Variants in MOXD1 observed in about 807,000 individuals in gnomAD.
MOXD1 encodes monooxygenase DBH like 1, also known as DBH-like monooxygenase protein 1.
Under a neutral mutation model 66.6 loss-of-function variants are expected in MOXD1, and 62 were observed. The ratio of observed to expected loss-of-function variants is 0.93; its 90% CI spans 0.76 to 1.15. The LOEUF (loss-of-function observed/expected upper bound fraction) is 1.15, where lower values mean the gene tolerates loss of function less well. Among genes scored for constraint, MOXD1 ranks in the 50% most tolerant of loss-of-function variants. The pLI, the probability that MOXD1 is intolerant of heterozygous loss-of-function variation, is 0.00. For missense variants in MOXD1, 847 were observed against 754.6 expected (o/e 1.12, Z -1.44); for synonymous variants, 303 against 281.9 (o/e 1.07, Z -0.75).
intron 4 of MOXD1, among the ~76,000 whole-genome samples, chr6:132,359,708 C>T (rs370638919): frequency 2.0e-5 from 3 of 151,620 alleles, no homozygotes; most frequent in Non-Finnish European, 4.4e-5. Context: ...GGATGGTCTC[C>T]ATCTCCTGAC....
chr6:132,321,943 T>A (rs143487491), intron 8 of MOXD1, among the ~76,000 whole-genome samples: 52 of 152,354 alleles, frequency 3.4e-4, no homozygotes, highest in African/African-American at 1.2e-3. Flanking sequence ...TATTGTGCCA[T>A]GTCTTCTCCC....
In MOXD1 at chr6:132,401,187, C is replaced by A; in HGVS notation, c.240G>T (p.Val80=). ...CCTGGAGGTAGGGCCGCCCGTGGGC[C>A]ACCCCGCCCACGACGATGTCGGCGG... ...MASADIVVGG[V]AHGRPYLQDY... The change falls in exon 1 of 12, where the codon GTG becomes GTT. Residue 80 remains valine, a synonymous_variant. Coordinates refer to ENST00000367963, the MANE Select transcript of MOXD1 (RefSeq NM_015529.4). The A allele has an allele frequency of 2.6e-6, 4 of 1,540,232 alleles. No homozygotes were observed. The South Asian group carries it at 4.8e-5, about 18-fold the overall frequency.
chr6:132,319,843 C>T (rs1001369458), intron 9 of MOXD1, among the ~76,000 whole-genome samples: 1 of 152,018 alleles, frequency 6.6e-6, no homozygotes, highest in African/African-American at 2.4e-5. Flanking sequence ...AAATGTCTCC[C>T]CTGTCAACAA....
At position 132,328,548 on chromosome 6, in the gene MOXD1, A is replaced by T; in HGVS notation, c.710T>A (p.Ile237Asn). 1 of 1,614,140 alleles carries T rather than the reference A, an allele frequency of 6.2e-7. No homozygotes were observed. The highest frequency in any genetic ancestry group is 8.5e-7 in the Non-Finnish European group (1 of 1,180,008). Reference sequence around the variant, plus strand: ...GTTGTTGCTGCACTGATAGAGCAGGATGTGGTGCACCAGACTCTCATGGCC... The same window carrying T: ...GTTGTTGCTGCACTGATAGAGCAGGTTGTGGTGCACCAGACTCTCATGGCC... The part of the protein sequence containing the change: ...QRGHESLVHH[I>N]LLYQCSNNFN... Residue 237 changes from isoleucine to asparagine, a missense_variant, in exon 5 of 12, where the codon ATC becomes AAC. Ile to Asn is a moderately radical substitution (Grantham distance 149). Coordinates refer to ENST00000367963, the MANE Select transcript of MOXD1 (RefSeq NM_015529.4).
intron 1 of MOXD1, among the ~76,000 whole-genome samples, chr6:132,378,265 C>T (rs1196329014): frequency 1.3e-5 from 2 of 152,010 alleles, no homozygotes; most frequent in Non-Finnish European, 2.9e-5. Flanking sequence ...TCAGCTGGGC[C>T]CTCACTAATG....
chr6:132,346,847 T>C (rs1337470219), intron 4 of MOXD1, among the ~76,000 whole-genome samples: 1 of 152,176 alleles, frequency 6.6e-6, no homozygotes, highest in East Asian at 1.9e-4. Context: ...TTTTTGAACA[T>C]TGTTTACAAC....
intron 10 of MOXD1, among the ~76,000 whole-genome samples, chr6:132,302,557 G>A (rs1390338186): frequency 6.6e-6 from 1 of 151,934 alleles, no homozygotes; most frequent in African/African-American, 2.4e-5. Flanking sequence ...AGAAATGAAA[G>A]AACAGTAAAT....
At chr6:132,399,842 G>A (rs529959087) in intron 1 of MOXD1, among the ~76,000 whole-genome samples, 1 of 152,166 alleles carries the variant, frequency 6.6e-6, no homozygotes, top group Non-Finnish European at 1.5e-5. Context: ...AGGAGAATGA[G>A]TCATTCCCCT....
intron 10 of MOXD1, among the ~76,000 whole-genome samples, chr6:132,302,630 C>T (rs985332275): frequency 6.6e-5 from 10 of 152,084 alleles, no homozygotes; most frequent in African/African-American, 2.4e-4. Context: ...TATCAATTCT[C>T]TCAAATTGTC....
At chr6:132,297,427 G>T in intron 11 of MOXD1, 110 bp from the exon 12 acceptor site, 4 of 1,142,444 alleles carry the variant, frequency 3.5e-6, no homozygotes, top group Non-Finnish European at 5.0e-6. Flanking sequence ...GGCAGGAGTG[G>T]TTACCAAAGG....
chr6:132,375,979 A>G (rs572640840), intron 1 of MOXD1, among the ~76,000 whole-genome samples: 121 of 152,288 alleles, frequency 7.9e-4, no homozygotes, highest in African/African-American at 2.6e-3. Flanking sequence ...CATTCGATAC[A>G]TATTTTCTTT....
chr6:132,328,184 C>A, intron 5 of MOXD1, 69 bp from the exon 6 acceptor site: 1 of 1,373,048 alleles, frequency 7.3e-7, no homozygotes, highest in Admixed American at 1.9e-5. Flanking sequence ...CACTCAAAAA[C>A]CAGCCATCTT....
chr6:132,344,788 C>A (rs1775636114), intron 4 of MOXD1, among the ~76,000 whole-genome samples: 1 of 152,132 alleles, frequency 6.6e-6, no homozygotes, highest in Non-Finnish European at 1.5e-5. Context: ...GGGGACTGAC[C>A]ACCTTTGAGT....
intron 10 of MOXD1, among the ~76,000 whole-genome samples, chr6:132,302,242 G>A (rs1020743109): frequency 1.4e-4 from 21 of 152,062 alleles, no homozygotes; most frequent in African/African-American, 3.9e-4. Flanking sequence ...TTGACTACAC[G>A]GAGTAAACAT....
At chr6:132,366,486 C>A (rs760681460) in intron 4 of MOXD1, among the ~76,000 whole-genome samples, 5 of 149,686 alleles carry the variant, frequency 3.3e-5, no homozygotes, top group Non-Finnish European at 6.0e-5. Flanking sequence ...AACCAAAATG[C>A]TGTTTCCATC....
intron 10 of MOXD1, among the ~76,000 whole-genome samples, chr6:132,312,321 A>T (rs1340869085): frequency 6.6e-6 from 1 of 152,186 alleles, no homozygotes; most frequent in Non-Finnish European, 1.5e-5. Flanking sequence ...AGTTTTGTTC[A>T]TATGTTATAT....
At chr6:132,363,665 G>A (rs893729075) in intron 4 of MOXD1, among the ~76,000 whole-genome samples, 1 of 152,188 alleles carries the variant, frequency 6.6e-6, no homozygotes, top group African/African-American at 2.4e-5. Context: ...AGCTTGCTGT[G>A]TCTCAGTGTG....
chr6:132,327,065 T>C (rs1007176061), intron 6 of MOXD1, among the ~76,000 whole-genome samples: 6 of 152,142 alleles, frequency 3.9e-5, no homozygotes, highest in Non-Finnish European at 8.8e-5. Context: ...CCTCTGCAGG[T>C]TCATCAGCAT....
intron 4 of MOXD1, among the ~76,000 whole-genome samples, chr6:132,348,475 C>T (rs926134045): frequency 2.6e-5 from 4 of 152,158 alleles, no homozygotes; most frequent in Non-Finnish European, 4.4e-5. Flanking sequence ...TCTTACAAGT[C>T]TGATTTGTTT....
Sources: gnomAD v4.1 joint callset for allele counts (sites outside exome capture counted in the v4.1 genomes callset) on GRCh38, gnomAD v4.1.1 for gene constraint, MANE v1.5 for transcripts, NCBI Gene and HGNC (gene_info 2026-07-23, HGNC 2026-07-21) for gene names.